The following CEP192 variants were observed in gnomAD, a reference collection of about 807,000 sequenced individuals.
CEP192 encodes the protein centrosomal protein of 192 kDa.
In CEP192, 151 loss-of-function variants were observed where a neutral mutation model predicts 271.8. That is an observed-to-expected ratio of 0.56 (90% confidence interval 0.49 to 0.64). The LOEUF (loss-of-function observed/expected upper bound fraction) is 0.64. Ranked by LOEUF, CEP192 falls within the 30% of genes least tolerant of loss-of-function variation. The pLI is 0.00. For synonymous variants in CEP192, 995 were observed against 1,076.5 expected, an observed-to-expected ratio of 0.92 and a Z score of 1.48; for missense variants, 2,910 against 3,020.5, an observed-to-expected ratio of 0.96 and a Z score of 0.86.
rs2039646011 is a variant in CEP192 at position 13,100,328 on chromosome 18, A to G, written c.6687A>G (p.Arg2229=). The G allele has an allele frequency of 6.2e-7, 1 of 1,613,796 alleles. No individual in the cohort carries two copies. The highest frequency in any genetic ancestry group is 1.7e-5 in the Admixed American group (1 of 60,000). ...AGAAAATTGTGAAAGTTCAAATTCG[A>G]GAAGATTTAACTCAAGTGGAACTTT... ...GQKKIVKVQI[R]EDLTQVELLT... The change falls in exon 38 of 45, where the codon CGA becomes CGG. Residue 2229 remains arginine, a synonymous_variant. Coordinates refer to ENST00000506447, the MANE Select transcript of CEP192 (RefSeq NM_032142.4).
At chr18:13,015,484 C>T (rs1170152628) in intron 6 of CEP192, 36 bp downstream of exon 6, 1 of 1,543,754 alleles carries the variant, frequency 6.5e-7, no homozygotes, top group African/African-American at 1.4e-5. Flanking sequence ...CTGGTCTTCA[C>T]CTTGCCACTC....
intron 3 of CEP192, among the ~76,000 whole-genome samples, chr18:13,004,132 T>G (rs1289350079): frequency 6.6e-6 from 1 of 152,144 alleles, no homozygotes; most frequent in Non-Finnish European, 1.5e-5. Context: ...CAATAAGTAG[T>G]TTGGTGTAAG....
At chr18:13,101,587 T>TA (rs2039707502) in intron 38 of CEP192, among the ~76,000 whole-genome samples, 1 of 152,146 alleles carries the variant, frequency 6.6e-6, no homozygotes, top group South Asian at 2.1e-4. Flanking sequence ...GGGGACCTGT[T>TA]AGAGAGGATA....
At chr18:13,025,137 ATGT>A (rs968974581) in intron 9 of CEP192, among the ~76,000 whole-genome samples, 7 of 152,014 alleles carry the variant, frequency 4.6e-5, no homozygotes, top group South Asian at 2.1e-4. Context: ...AATGTCTGCC[ATGT>A]TGTTCTTGTT....
chr18:13,021,222 TTG>T (rs1451588255), intron 9 of CEP192, among the ~76,000 whole-genome samples: 1 of 152,232 alleles, frequency 6.6e-6, no homozygotes, highest in Admixed American at 6.5e-5. Flanking sequence ...ATCTGTGACT[TTG>T]TGAAAGAAAA....
At chr18:13,122,517 G>T (rs2040714510) in intron 44 of CEP192, among the ~76,000 whole-genome samples, 1 of 152,214 alleles carries the variant, frequency 6.6e-6, no homozygotes, top group Admixed American at 6.5e-5. Flanking sequence ...GGAAACAGAG[G>T]TTGCAGTGAG....
Position 13,100,326 on chromosome 18 carries a change from C to T in CEP192, c.6685C>T (p.Arg2229Ter). ...TCAGAAAATTGTGAAAGTTCAAATT[C>T]GAGAAGATTTAACTCAAGTGGAACT... ...GQKKIVKVQI[R>*]EDLTQVELLT... The change falls in exon 38 of 45, where the codon CGA (arginine) becomes TGA (stop). Residue 2229 changes from arginine to a stop codon, truncating the protein, a stop_gained. Coordinates refer to ENST00000506447, the MANE Select transcript of CEP192 (RefSeq NM_032142.4). LOFTEE classifies it high-confidence loss of function. 13 of 1,613,706 alleles carry T rather than the reference C, an allele frequency of 8.1e-6. No homozygotes were observed. The highest frequency in any genetic ancestry group is 1.1e-5 in the Non-Finnish European group (13 of 1,179,680).
At chr18:13,006,539 A>T (rs1319279002) in intron 3 of CEP192, among the ~76,000 whole-genome samples, 1 of 152,198 alleles carries the variant, frequency 6.6e-6, no homozygotes, top group African/African-American at 2.4e-5. Context: ...ACTTCTGAAG[A>T]TTCTGATTAG....
chr18:12,999,516 C>T lies in CEP192; in HGVS notation c.92C>T (p.Thr31Ile). 1 of 1,551,026 alleles carries T rather than the reference C, an allele frequency of 6.4e-7. No individual in the cohort carries two copies. The highest frequency in any genetic ancestry group is 8.7e-7 in the Non-Finnish European group (1 of 1,146,706). The change falls in exon 2 of 45, where the codon ACT becomes ATT. Residue 31 changes from threonine to isoleucine, a missense_variant. Transcript: ENST00000506447. ...AACAGTGGGATTTTGGAAAATGTCA[C>T]TCTTTCTTCAAATCTTGGCTTGCCT... ...FGNSGILENVTLSSNLGLPVA... is the reference protein window; with the variant it reads ...FGNSGILENVILSSNLGLPVA...
At chr18:13,104,910 G>A in intron 39 of CEP192, 74 bp from the exon 40 acceptor site, 1 of 1,086,756 alleles carries the variant, frequency 9.2e-7, no homozygotes, top group Non-Finnish European at 1.4e-6. Context: ...CGCAGCCATA[G>A]AGGTAATAGT....
At chr18:13,054,497 ATGT>A (rs987990065) in intron 18 of CEP192, among the ~76,000 whole-genome samples, 5 of 152,184 alleles carry the variant, frequency 3.3e-5, no homozygotes, top group South Asian at 4.2e-4. Context: ...TGTCTTTTTC[ATGT>A]TGTTGTTAGA....
chr18:13,056,027 A>C lies in CEP192; in HGVS notation c.3437A>C (p.Asn1146Thr). 6.2e-7 allele frequency: 1 copy of C among 1,614,240 alleles called. No homozygotes were observed. The highest frequency in any genetic ancestry group is 8.5e-7 in the Non-Finnish European group (1 of 1,180,044). Residue 1146 changes from asparagine to threonine, a missense_variant, in exon 19 of 45, where the codon AAT (asparagine) becomes ACT (threonine). By Grantham distance (65) the Asn-to-Thr change is moderately conservative. Transcript: ENST00000506447. ...AAAGATCCTTCCTCCAAAAGTGGAA[A>C]TCTGTTGGAAACCAGTGAGGTAGGT... is the stretch of plus-strand genomic sequence containing the variant. ...WSKDPSSKSG[N>T]LLETSEVGWT... is the part of the protein sequence containing the mutation.
intron 14 of CEP192, 23 bp downstream of exon 14, chr18:13,040,979 T>TA: frequency 6.3e-7 from 1 of 1,584,166 alleles, no homozygotes; most frequent in Non-Finnish European, 8.6e-7. Context: ...ATGAAGGGGC[T>TA]TTTAGGAATC....
chr18:13,000,093 T>TCTC (rs1568257938), intron 2 of CEP192, among the ~76,000 whole-genome samples: 2 of 37,764 alleles, frequency 5.3e-5, no homozygotes, highest in African/African-American at 3.7e-4. Context: ...TCTTCTCTCT[T>TCTC]TTTTTTTTTT....
chr18:13,123,604 C>G (rs1402139469), intron 44 of CEP192, among the ~76,000 whole-genome samples: 1 of 152,134 alleles, frequency 6.6e-6, no homozygotes, highest in Non-Finnish European at 1.5e-5. Flanking sequence ...AGTACCTTCC[C>G]TGTGAGCTCA....
chr18:13,103,175 C>T (rs562704434), intron 38 of CEP192, among the ~76,000 whole-genome samples: 1 of 152,288 alleles, frequency 6.6e-6, no homozygotes, highest in East Asian at 1.9e-4. Flanking sequence ...CAAACTGCTG[C>T]AGCCCTGACT....
At chr18:13,069,308 C>G in intron 26 of CEP192, 127 bp downstream of exon 26, 1 of 751,850 alleles carries the variant, frequency 1.3e-6, no homozygotes. Context: ...GAAAGAATCG[C>G]TGAGAGTTTT....
At chr18:13,069,368 A>T (rs1042846339) in intron 26 of CEP192, among the ~76,000 whole-genome samples, 187 bp downstream of exon 26, 4 of 152,208 alleles carry the variant, frequency 2.6e-5, no homozygotes, top group African/African-American at 9.6e-5. Flanking sequence ...GTGCTTTTTA[A>T]GTTTAAAGTT....
chr18:13,089,947 T>G (rs1414047300), intron 33 of CEP192, among the ~76,000 whole-genome samples: 1 of 152,206 alleles, frequency 6.6e-6, no homozygotes, highest in Non-Finnish European at 1.5e-5. Context: ...TAGATTTGAT[T>G]GCAAACTTGC....
Sources: gnomAD v4.1 joint callset for allele counts (sites outside exome capture counted in the v4.1 genomes callset) on GRCh38, gnomAD v4.1.1 for gene constraint, MANE v1.5 for transcripts, NCBI Gene and HGNC (gene_info 2026-07-23, HGNC 2026-07-21) for gene names.